CAMK2B: variants seen among roughly 807,000 people sequenced by gnomAD.
The protein encoded by CAMK2B is calcium/calmodulin dependent protein kinase II beta.
CAMK2B carries 27 observed loss-of-function variants against 93.7 expected under a neutral mutation model. The observed-to-expected ratio is 0.29, with a 90% CI of 0.21 to 0.40. CAMK2B has a LOEUF of 0.40. Ranked by LOEUF, CAMK2B falls within the 10% of genes least tolerant of loss-of-function variation. The pLI, the probability that CAMK2B is intolerant of heterozygous loss-of-function variation, is 1.00. For missense variants in CAMK2B, 568 were observed against 895.8 expected, an observed-to-expected ratio of 0.63 and a Z score of 4.67; for synonymous variants, 374 against 358.8, an observed-to-expected ratio of 1.04 and a Z score of -0.48.
In CAMK2B at chr7:44,246,472, T is replaced by G. The variant is rs757987051; in HGVS notation, c.414+648A>C. On this transcript the variant is annotated intron_variant, in intron 6 of 23. Transcript: ENST00000395749. ...ACACACACATGCATACACGCACACATGTACCCACATGTACACATTCACATA... is the reference window on the plus strand; with the variant it reads ...ACACACACATGCATACACGCACACAGGTACCCACATGTACACATTCACATA... Among the ~76,000 whole-genome samples the G allele has an allele frequency of 1.1e-4, 17 of 151,346 alleles. 1 individual carries two copies. The highest frequency in any genetic ancestry group is 1.1e-3 in the Admixed American group (17 of 15,238).
Position 44,235,503 on chromosome 7 carries a change from A to T in CAMK2B, c.1022-827T>A, listed in dbSNP as rs572686307. On this transcript the variant is annotated intron_variant, in intron 13 of 23. Coordinates refer to ENST00000395749, the MANE Select transcript of CAMK2B (RefSeq NM_001220.5). Reference sequence around the variant, plus strand: ...TTAATTACAGAACTAAAAAATAAAAATAAATAAAAAACCAAAAGAGGAAGT... The same window carrying T: ...TTAATTACAGAACTAAAAAATAAAATTAAATAAAAAACCAAAAGAGGAAGT... Among the ~76,000 whole-genome samples the T allele has an allele frequency of 1.0e-4, 16 of 152,388 alleles. No homozygotes were observed. The South Asian group carries it at 2.7e-3, about 26-fold the overall frequency.
In CAMK2B at chr7:44,225,995, C is replaced by T. The variant is rs576603820; in HGVS notation, c.1597+521G>A. The T allele has an allele frequency of 8.5e-5, 95 of 1,113,466 alleles. No individual in the cohort carries two copies. The highest frequency in any genetic ancestry group is 4.8e-4 in the African/African-American group (30 of 62,204). The allele number at this position is 1,113,466 out of a possible 1,614,324, so 69.0% of individuals were successfully genotyped here. On this transcript the variant is annotated intron_variant, in intron 20 of 23. Transcript: ENST00000395749. This position sits in a 1 kb window ranked among gnomAD's most constrained non-coding sequence, Gnocchi z 5.0. ...CCCAGCCTGTGCTTCCTGTCCCGCCCGCTCTGTTTCAGCCTGGCCCCAGCT... is the reference window on the plus strand; with the variant it reads ...CCCAGCCTGTGCTTCCTGTCCCGCCTGCTCTGTTTCAGCCTGGCCCCAGCT...
At chr7:44,318,397 C>T (rs1007313587) in intron 1 of CAMK2B, among the ~76,000 whole-genome samples, 1 of 152,198 alleles carries the variant, frequency 6.6e-6, no homozygotes, top group East Asian at 1.9e-4. Flanking sequence ...GTGGGTGTGC[C>T]ACTGCTCTGG....
At chr7:44,289,377 C>T (rs551612055) in intron 1 of CAMK2B, among the ~76,000 whole-genome samples, 7 of 152,332 alleles carry the variant, frequency 4.6e-5, no homozygotes, top group South Asian at 2.1e-4. Flanking sequence ...AAGGAAATTT[C>T]GCCTTGCCCC....
At chr7:44,229,186 A>G (rs917791) in intron 18 of CAMK2B, 223,254 of 611,654 alleles carry the variant, frequency 0.36, 42,150 homozygotes, top group Middle Eastern at 0.49. Flanking sequence ...CTTGAGCAGG[A>G]AAGTGGTCCA....
chr7:44,319,054 T>C (rs1795446586), intron 1 of CAMK2B, among the ~76,000 whole-genome samples: 1 of 152,234 alleles, frequency 6.6e-6, no homozygotes, highest in Non-Finnish European at 1.5e-5. Flanking sequence ...TATGCCAATA[T>C]GATAATTTTT....
chr7:44,277,792 C>A (rs1442236063), intron 2 of CAMK2B, among the ~76,000 whole-genome samples: 1 of 151,718 alleles, frequency 6.6e-6, no homozygotes, highest in Non-Finnish European at 1.5e-5. Flanking sequence ...TCTCTGGGTC[C>A]CCTCTCCATC....
At chr7:44,221,579 C>T (rs1440290066) in intron 20 of CAMK2B, among the ~76,000 whole-genome samples, 1 of 152,240 alleles carries the variant, frequency 6.6e-6, no homozygotes, top group Non-Finnish European at 1.5e-5. Context: ...CTCTTGTTCC[C>T]CGCTTTTCTC....
In CAMK2B at chr7:44,288,854, C is replaced by T. The variant is rs538520096; in HGVS notation, c.66-4629G>A. Among the ~76,000 whole-genome samples the T allele has an allele frequency of 1.3e-4, 20 of 152,134 alleles. No individual in the cohort carries two copies. The South Asian group carries it at 1.7e-3, about 13-fold the overall frequency. ...ATTGCAGGGGGGCTCAGGCTTCTCG[C>T]GCGATAATGGGGTGAAGGCCACCTG... is the stretch of plus-strand genomic sequence containing the variant. On this transcript the variant is annotated intron_variant, in intron 1 of 23. Transcript: ENST00000395749.
chr7:44,227,903 T>C (rs1208618300), intron 19 of CAMK2B, among the ~76,000 whole-genome samples: 11 of 103,160 alleles, frequency 1.1e-4, no homozygotes, highest in Admixed American at 9.8e-4. Context: ...GGATAGAGCG[T>C]GGACTTAGGG....
At chr7:44,285,309 G>T (rs1784748512) in intron 1 of CAMK2B, among the ~76,000 whole-genome samples, 1 of 152,248 alleles carries the variant, frequency 6.6e-6, no homozygotes, top group Non-Finnish European at 1.5e-5. Flanking sequence ...CAGACAAAAG[G>T]GCCAGCGGAT....
At chr7:44,263,293 G>T (rs1290570823) in intron 2 of CAMK2B, among the ~76,000 whole-genome samples, 1 of 152,250 alleles carries the variant, frequency 6.6e-6, no homozygotes, top group Non-Finnish European at 1.5e-5. Context: ...GCCCATTCGG[G>T]TAGTGAGCGC....
chr7:44,324,564 GTGA>G (rs1796987911), intron 1 of CAMK2B, among the ~76,000 whole-genome samples: 2 of 152,198 alleles, frequency 1.3e-5, no homozygotes, highest in Non-Finnish European at 2.9e-5. Flanking sequence ...CCTGTTCCCC[GTGA>G]GGTCCCACTT....
intron 1 of CAMK2B, among the ~76,000 whole-genome samples, chr7:44,301,731 C>T (rs562749324): frequency 5.5e-4 from 84 of 151,634 alleles, no homozygotes; most frequent in African/African-American, 1.5e-3. Context: ...AAGCCGAGAT[C>T]GCGCCACTGC....
intron 2 of CAMK2B, 95 bp downstream of exon 2, chr7:44,284,036 C>A: frequency 1.1e-6 from 1 of 878,768 alleles, no homozygotes; most frequent in South Asian, 1.5e-5. Flanking sequence ...CTGGCCAAGA[C>A]TGGGAGGGGC....
chr7:44,252,675 T>C (rs895847268), intron 5 of CAMK2B, among the ~76,000 whole-genome samples: 2 of 151,990 alleles, frequency 1.3e-5, no homozygotes, highest in African/African-American at 2.4e-5. Flanking sequence ...CTCAGGGCAC[T>C]CCACCCATCC....
At chr7:44,260,533 C>T (rs1419493940) in intron 3 of CAMK2B, among the ~76,000 whole-genome samples, 6 of 152,322 alleles carry the variant, frequency 3.9e-5, no homozygotes, top group Non-Finnish European at 8.8e-5. Context: ...GGGCAGGTTG[C>T]TCAGCCCATC....
intron 11 of CAMK2B, among the ~76,000 whole-genome samples, chr7:44,241,024 A>G (rs56338449): frequency 0.34 from 52,167 of 152,116 alleles, 9,701 homozygotes; most frequent in Non-Finnish European, 0.42. Flanking sequence ...CTCAGGGGTC[A>G]CCAGAACAGC....
intron 5 of CAMK2B, among the ~76,000 whole-genome samples, chr7:44,253,505 G>A (rs960817527): frequency 6.6e-6 from 1 of 152,152 alleles, no homozygotes; most frequent in African/African-American, 2.4e-5. Flanking sequence ...GAGCCACCAC[G>A]CACGGCCTAA....
Sources: gnomAD v4.1 joint callset for allele counts (sites outside exome capture counted in the v4.1 genomes callset) on GRCh38, gnomAD v4.1.1 for gene constraint, Gnocchi (gnomAD v3.1) non-coding constraint, MANE v1.5 for transcripts, NCBI Gene and HGNC (gene_info 2026-07-23, HGNC 2026-07-21) for gene names.